Variants in SLC14A2 observed in about 807,000 individuals in gnomAD.
SLC14A2 encodes the protein solute carrier family 14 member 2.
Under a neutral mutation model 104.6 loss-of-function variants are expected in SLC14A2, and 91 were observed. The ratio of observed to expected loss-of-function variants is 0.87; its 90% CI spans 0.73 to 1.04. The LOEUF is 1.04. Ranked by LOEUF, SLC14A2 falls within the 50% of genes least tolerant of loss-of-function variation. SLC14A2 has a pLI of 0.00. For synonymous variants in SLC14A2, 476 were observed against 466.4 expected (o/e 1.02, Z -0.27); for missense variants, 1,189 against 1,156.0 (o/e 1.03, Z -0.41).
chr18:45,387,549 TA>T (rs1035157004), intron 1 of SLC14A2, among the ~76,000 whole-genome samples: 1 of 152,220 alleles, frequency 6.6e-6, no homozygotes, highest in African/African-American at 2.4e-5. Flanking sequence ...TAGGATATAT[TA>T]GTTCACAATT....
intron 2 of SLC14A2, among the ~76,000 whole-genome samples, chr18:45,542,893 AT>A (rs2043912414): frequency 6.6e-6 from 1 of 151,612 alleles, no homozygotes; most frequent in African/African-American, 2.4e-5. Context: ...ATAATTTAAT[AT>A]TTTTATATAA....
intron 1 of SLC14A2, among the ~76,000 whole-genome samples, chr18:45,241,907 T>C (rs150578028): frequency 2.6e-5 from 4 of 151,966 alleles, no homozygotes; most frequent in Admixed American, 1.3e-4. Context: ...CCTCCCAAAG[T>C]GCTGGGATTA....
rs149439478 is a variant in SLC14A2, at chr18:45,369,389, C to T, written c.-124-113844C>T. On this transcript the variant is annotated intron_variant, in intron 1 of 20. Transcript: ENST00000586448. ...TTCACATGTTTGACTTAATTTGATG[C>T]CCACCCCAGGTACATCTGCATTTTA... is the stretch of plus-strand genomic sequence containing the variant. Among the ~76,000 whole-genome samples, 7 of 152,186 alleles carry T rather than the reference C, an allele frequency of 4.6e-5. No homozygotes were observed. The East Asian group carries it at 1.2e-3, about 25-fold the overall frequency.
chr18:45,642,003 C>A (rs563981282), intron 8 of SLC14A2, among the ~76,000 whole-genome samples: 51 of 152,178 alleles, frequency 3.4e-4, no homozygotes, highest in Non-Finnish European at 5.7e-4. Flanking sequence ...GCATAGCCTG[C>A]CTGGCCCATT....
intron 2 of SLC14A2, among the ~76,000 whole-genome samples, chr18:45,500,378 C>A (rs1329886853): frequency 6.6e-6 from 1 of 152,018 alleles, no homozygotes; most frequent in Non-Finnish European, 1.5e-5. Context: ...GAGATCGAGA[C>A]CATCCTGGCT....
At chr18:45,623,405 C>T (rs917737249) in intron 1 of SLC14A2, among the ~76,000 whole-genome samples, 1 of 152,178 alleles carries the variant, frequency 6.6e-6, no homozygotes, top group African/African-American at 2.4e-5. Context: ...AGTAGGAGCA[C>T]TTCAAGTCTT....
intron 2 of SLC14A2, among the ~76,000 whole-genome samples, chr18:45,610,368 A>T (rs1259252502): frequency 6.6e-6 from 1 of 152,224 alleles, no homozygotes; most frequent in Non-Finnish European, 1.5e-5. Context: ...TCCTGGCTGA[A>T]CATTACCATT....
At chr18:45,264,198 G>A (rs576448796) in intron 1 of SLC14A2, among the ~76,000 whole-genome samples, 1 of 152,178 alleles carries the variant, frequency 6.6e-6, no homozygotes, top group African/African-American at 2.4e-5. Flanking sequence ...ATACCACAGA[G>A]TTCATTTGAG....
intron 2 of SLC14A2, among the ~76,000 whole-genome samples, chr18:45,588,364 T>C (rs543148289): frequency 2.0e-5 from 3 of 152,276 alleles, no homozygotes; most frequent in Admixed American, 1.3e-4. Context: ...TATGTAACAA[T>C]TCTGTTTACA....
At chr18:45,518,182 C>T (rs934480607) in intron 2 of SLC14A2, among the ~76,000 whole-genome samples, 2 of 152,204 alleles carry the variant, frequency 1.3e-5, no homozygotes, top group African/African-American at 4.8e-5. Flanking sequence ...TTCCGGGTTG[C>T]TCCAAGGCCT....
chr18:45,437,039 G>C (rs570438418), intron 1 of SLC14A2, among the ~76,000 whole-genome samples: 1 of 152,112 alleles, frequency 6.6e-6, no homozygotes, highest in Non-Finnish European at 1.5e-5. Flanking sequence ...CTGAATAAGC[G>C]CTCTTCCCAC....
At position 45,669,429 on chromosome 18, in the gene SLC14A2, C is replaced by T. The variant is rs922835645; in HGVS notation, c.2160C>T (p.Phe720=). The part of the protein sequence containing the change: ...LAATGHYNLF[F]PTTLLQPASA... ...CCACGGGCCACTACAACCTTTTCTT[C>T]CCCACAACGCTGCTGCAGCCTGCAT... Residue 720 remains phenylalanine (F), a synonymous_variant, in exon 16 of 20, where the codon TTC becomes TTT. Coordinates refer to ENST00000255226, the MANE Select transcript of SLC14A2 (RefSeq NM_007163.4). 1.2e-6 allele frequency: 2 copies of T among 1,614,158 alleles called. No individual in the cohort carries two copies. Among genetic ancestry groups the T allele is most frequent in the Non-Finnish European group, 1.7e-6 (2 of 1,180,012 alleles).
At chr18:45,571,567 G>A (rs1024525465) in intron 2 of SLC14A2, among the ~76,000 whole-genome samples, 17 of 152,224 alleles carry the variant, frequency 1.1e-4, no homozygotes, top group Non-Finnish European at 1.5e-4. Context: ...ATCAGACAAC[G>A]TCTTTAAAGT....
chr18:45,233,586 A>T (rs547270261), intron 1 of SLC14A2, among the ~76,000 whole-genome samples: 1 of 152,304 alleles, frequency 6.6e-6, no homozygotes, highest in Admixed American at 6.5e-5. Flanking sequence ...GCTCTGAACA[A>T]AAAGTTAAGT....
chr18:45,526,085 C>G (rs2144819516), intron 2 of SLC14A2, among the ~76,000 whole-genome samples: 1 of 152,272 alleles, frequency 6.6e-6, no homozygotes, highest in African/African-American at 2.4e-5. Flanking sequence ...GGAACGTTCC[C>G]CACATAAGGG....
chr18:45,656,796 C>T (rs77020503), intron 10 of SLC14A2, among the ~76,000 whole-genome samples: 4,701 of 152,158 alleles, frequency 0.031, 113 homozygotes, highest in South Asian at 0.073. Context: ...CCAAAGACAC[C>T]GAAAGAAATG....
intron 2 of SLC14A2, among the ~76,000 whole-genome samples, chr18:45,523,276 G>A (rs1799782077): frequency 6.6e-6 from 1 of 151,966 alleles, no homozygotes; most frequent in Admixed American, 6.6e-5. Context: ...CACAAAGACA[G>A]GTCGCCCAGG....
At chr18:45,206,404 C>A in the SLC14A2 span, among the ~76,000 whole-genome samples, 1 of 150,842 alleles carries the variant, frequency 6.6e-6, no homozygotes, top group Non-Finnish European at 1.5e-5. Flanking sequence ...AATTTCAGTA[C>A]ACACACATAC....
intron 1 of SLC14A2, among the ~76,000 whole-genome samples, chr18:45,356,396 C>G (rs1366025186): frequency 6.6e-6 from 1 of 152,176 alleles, no homozygotes; most frequent in Non-Finnish European, 1.5e-5. Flanking sequence ...GGTTAAACAG[C>G]AAAACCCATC....
Sources: allele counts gnomAD v4.1 joint callset (sites outside exome capture counted in the v4.1 genomes callset), GRCh38; gene constraint gnomAD v4.1.1; transcripts MANE v1.5; gene names NCBI Gene and HGNC (gene_info 2026-07-23, HGNC 2026-07-21).